The following MYLK4 variants were observed in gnomAD, a reference collection of about 807,000 sequenced individuals.
The protein encoded by MYLK4 is myosin light chain kinase family member 4, also known as caMLCK like.
A neutral mutation model predicts 48.1 loss-of-function variants in MYLK4; 46 were observed. The ratio of observed to expected loss-of-function variants is 0.96; its 90% CI spans 0.75 to 1.22. The LOEUF (loss-of-function observed/expected upper bound fraction) is 1.22. Ranked by LOEUF, MYLK4 falls within the 50% of genes most tolerant of loss-of-function variation. The probability of loss-of-function intolerance (pLI) is 0.00; values close to 1 mark genes in which losing one functional copy is unlikely to be tolerated. For synonymous variants in MYLK4, 170 were observed against 180.8 expected, an observed-to-expected ratio of 0.94 and a Z score of 0.48; for missense variants, 451 against 486.1, an observed-to-expected ratio of 0.93 and a Z score of 0.68.
intron 2 of MYLK4, among the ~76,000 whole-genome samples, chr6:2,716,918 G>C (rs929201061): frequency 2.0e-5 from 3 of 152,196 alleles, no homozygotes; most frequent in Non-Finnish European, 4.4e-5. Flanking sequence ...AAAGATAAGA[G>C]ACAGGCATTA....
chr6:2,751,672 G>A (rs931056372), upstream of MYLK4, among the ~76,000 whole-genome samples: 2 of 152,014 alleles, frequency 1.3e-5, no homozygotes, highest in African/African-American at 4.8e-5. Flanking sequence ...CCTCTTATTT[G>A]GAGCCTGTGT....
At chr6:2,682,718 C>T (rs950442977) in intron 7 of MYLK4, among the ~76,000 whole-genome samples, 1 of 152,200 alleles carries the variant, frequency 6.6e-6, no homozygotes. Context: ...AGGGCTACCA[C>T]GTGGATACCG....
intron 10 of MYLK4, among the ~76,000 whole-genome samples, chr6:2,675,625 C>A (rs781115703): frequency 6.6e-6 from 1 of 151,932 alleles, no homozygotes; most frequent in African/African-American, 2.4e-5. Context: ...AAGAGAGGGA[C>A]CATTAGATAC....
the MYLK4 span, among the ~76,000 whole-genome samples, chr6:2,764,759 C>T: frequency 6.6e-6 from 1 of 152,196 alleles, no homozygotes; most frequent in African/African-American, 2.4e-5. Flanking sequence ...CATCTCTTGG[C>T]TCGAAGCGCG....
rs528457919 is a variant in MYLK4, at chr6:2,685,671, G to A, written c.342-95C>T. 3.3e-5 allele frequency: 35 copies of A among 1,060,134 alleles called. No homozygotes were observed. The African/African-American group carries it at 4.0e-4, about 12-fold the overall frequency. The allele number at this position is 1,060,134 out of a possible 1,614,324, so 65.7% of individuals were successfully genotyped here. On this transcript the variant is annotated intron_variant, in intron 4 of 12. Transcript: ENST00000274643. This position sits in a 1 kb window ranked among gnomAD's most constrained non-coding sequence, Gnocchi z 4.5. ...CCCCAGTATTTCTCCTGCTGAGTCT[G>A]GATGAGCAGCCCTCTGAGGAGTTCT...
intron 4 of MYLK4, among the ~76,000 whole-genome samples, chr6:2,686,587 C>T (rs530355871): frequency 6.6e-6 from 1 of 152,322 alleles, no homozygotes; most frequent in South Asian, 2.1e-4. Context: ...TGAGGAACAG[C>T]TTCCCTAGCA....
chr6:2,675,000 G>A, intron 11 of MYLK4, 47 bp downstream of exon 11: 1 of 1,337,520 alleles, frequency 7.5e-7, no homozygotes, highest in Non-Finnish European at 1.1e-6. Context: ...ATCTTCAAAA[G>A]ACAGGCAGAC....
chr6:2,765,959 G>A, the MYLK4 span: 3 of 1,428,300 alleles, frequency 2.1e-6, no homozygotes, highest in Admixed American at 5.0e-5. Context: ...GAGCTACGAC[G>A]CGCCGCCCAC....
intron 2 of MYLK4, among the ~76,000 whole-genome samples, chr6:2,704,732 C>T (rs1318244227): frequency 6.6e-6 from 1 of 152,172 alleles, no homozygotes; most frequent in East Asian, 1.9e-4. Flanking sequence ...TTCCAGAAGG[C>T]AAGAGCAGGG....
At chr6:2,765,482 C>T in the MYLK4 span, 10 of 1,101,192 alleles carry the variant, frequency 9.1e-6, no homozygotes, top group Non-Finnish European at 1.2e-5. Flanking sequence ...ATGAGCGGCG[C>T]CCTCCTCCGG....
At chr6:2,738,432 A>C (rs1763776379) in intron 2 of MYLK4, among the ~76,000 whole-genome samples, 1 of 152,266 alleles carries the variant, frequency 6.6e-6, no homozygotes, top group African/African-American at 2.4e-5. Flanking sequence ...GGGAATCATT[A>C]GTTCCAGTGT....
At chr6:2,765,132 T>G in the MYLK4 span, among the ~76,000 whole-genome samples, 1 of 148,098 alleles carries the variant, frequency 6.8e-6, no homozygotes, top group Non-Finnish European at 1.5e-5. Context: ...GGCGGAGGGC[T>G]GCGTCCGCCA....
At chr6:2,732,596 C>T (rs922629063) in intron 2 of MYLK4, among the ~76,000 whole-genome samples, 5 of 152,040 alleles carry the variant, frequency 3.3e-5, no homozygotes, top group African/African-American at 4.8e-5. Context: ...CAGAGTTTAT[C>T]GGCCAGCTCT....
chr6:2,687,821 G>A (rs1463674342), intron 4 of MYLK4, among the ~76,000 whole-genome samples: 5 of 152,312 alleles, frequency 3.3e-5, no homozygotes, highest in South Asian at 2.1e-4. Context: ...GTAGCGATGC[G>A]TGCTTTCCTT....
Position 2,685,237 on chromosome 6 carries a change from A to C in MYLK4, c.545+59T>G. 7.7e-7 allele frequency: 1 copy of C among 1,291,608 alleles called. No homozygotes were observed. The highest frequency in any genetic ancestry group is 1.1e-6 in the Non-Finnish European group (1 of 890,846). 80.0% of individuals were successfully genotyped at this position (1,291,608 alleles called of 1,614,324 possible). A position where few individuals can be genotyped will look rare whatever the true frequency, so the allele number is the denominator to read the frequency against. Reference sequence around the variant, plus strand: ...TACAGCAGGACGGAGCTACTGAGGCACGGTCACGGTCATGAGTGCCCTTGG... The same window carrying C: ...TACAGCAGGACGGAGCTACTGAGGCCCGGTCACGGTCATGAGTGCCCTTGG... On this transcript the variant is annotated intron_variant, in intron 6 of 12. Coordinates refer to ENST00000274643, the MANE Select transcript of MYLK4 (RefSeq NM_001012418.5). This position sits in a 1 kb window ranked among gnomAD's most constrained non-coding sequence, Gnocchi z 4.5.
intron 12 of MYLK4, among the ~76,000 whole-genome samples, chr6:2,669,032 C>A (rs1299567445): frequency 6.6e-6 from 1 of 151,956 alleles, no homozygotes; most frequent in Non-Finnish European, 1.5e-5. Context: ...GATGACACTG[C>A]ACTCCAGCCT....
intron 12 of MYLK4, among the ~76,000 whole-genome samples, chr6:2,670,411 C>T (rs1010980730): frequency 5.3e-5 from 8 of 151,276 alleles, no homozygotes; most frequent in African/African-American, 1.9e-4. Context: ...GCAGCAAGAA[C>T]TCACTCACAA....
rs1760965009 is a variant in MYLK4 at position 2,673,079 on chromosome 6, A to T, written c.1120-1731T>A. On this transcript the variant is annotated intron_variant, in intron 11 of 12. Transcript: ENST00000274643. The surrounding 1 kb of genome is among the most constrained non-coding windows in gnomAD (Gnocchi z 4.2). ...AGCAGATGGATGGATACAAAAGGTG[A>T]TTTTACTTGTTGTTATATGGTTTAA... is the stretch of plus-strand genomic sequence containing the variant. 2.0e-5 allele frequency among the ~76,000 whole-genome samples: 3 copies of T among 152,180 alleles called. No homozygotes were observed. The South Asian group carries it at 6.2e-4, about 32-fold the overall frequency.
At chr6:2,676,143 G>A (rs1341044844) in intron 10 of MYLK4, among the ~76,000 whole-genome samples, 1 of 151,516 alleles carries the variant, frequency 6.6e-6, no homozygotes, top group Non-Finnish European at 1.5e-5. Context: ...AAACCTGTAA[G>A]TGAATGTAAC....
Sources: gnomAD v4.1 joint callset for allele counts (sites outside exome capture counted in the v4.1 genomes callset) on GRCh38, gnomAD v4.1.1 for gene constraint, Gnocchi (gnomAD v3.1) non-coding constraint, MANE v1.5 for transcripts, NCBI Gene and HGNC (gene_info 2026-07-23, HGNC 2026-07-21) for gene names.